OR4D10: variants seen among roughly 807,000 people sequenced by gnomAD.
OR4D10 encodes olfactory receptor family 4 subfamily D member 10.
For missense variants in OR4D10, 395 were observed against 378.0 expected, an observed-to-expected ratio of 1.04 and a Z score of -0.37; for synonymous variants, 188 against 153.2, an observed-to-expected ratio of 1.23 and a Z score of -1.68.
At chr11:59,476,922 A>T (rs113499847) in intron 2 of OR4D10, among the ~76,000 whole-genome samples, 1 of 151,798 alleles carries the variant, frequency 6.6e-6, no homozygotes, top group South Asian at 2.1e-4. Context: ...GGGCAAAAAA[A>T]AACTGATAAT....
chr11:59,477,414 T>A lies in OR4D10; in HGVS notation c.-16T>A, dbSNP rs757241690. ...TGACATGGTTTAAAACCAAAGAGAA[T>A]AAAGAGGATGATTGAATGGAGATGG... On this transcript the variant is annotated 5_prime_UTR_variant, in exon 3 of 3. Transcript: ENST00000530162. The A allele has an allele frequency of 2.6e-6, 4 of 1,524,328 alleles. No homozygotes were observed. Among genetic ancestry groups the A allele is most frequent in the Non-Finnish European group, 3.5e-6 (4 of 1,133,380 alleles). 94.4% of individuals were successfully genotyped at this position (1,524,328 alleles called of 1,614,324 possible).
chr11:59,477,709 T>G lies in OR4D10; in HGVS notation c.280T>G (p.Phe94Val), dbSNP rs1382025888. ...TCTGTCTGAAAGAAAGACCATCTCCTTCAATCATTGCTTCACTCAGATGTT... is the reference window on the plus strand; with the variant it reads ...TCTGTCTGAAAGAAAGACCATCTCCGTCAATCATTGCTTCACTCAGATGTT... The part of the protein sequence containing the change: ...DLLSERKTIS[F>V]NHCFTQMFLF... The change falls in exon 3 of 3, where the codon TTC becomes GTC. Residue 94 changes from phenylalanine (F) to valine (V), a missense_variant. Phe to Val is a conservative substitution (Grantham distance 50, BLOSUM62 -1). Coordinates refer to ENST00000530162, the MANE Select transcript of OR4D10 (RefSeq NM_001004705.2). 18 of 1,614,170 alleles carry G rather than the reference T, an allele frequency of 1.1e-5. No individual in the cohort carries two copies. The highest frequency in any genetic ancestry group is 1.3e-5 in the African/African-American group (1 of 75,058).
At position 59,479,228 on chromosome 11, in the gene OR4D10, A is replaced by G. The variant is rs950828677; in HGVS notation, c.*863A>G. 5.3e-5 allele frequency: 8 copies of G among 152,206 alleles called. No individual in the cohort carries two copies. The highest frequency in any genetic ancestry group is 1.9e-4 in the African/African-American group (8 of 41,458). The allele number at this position is 152,206 out of a possible 1,614,324, so 9.4% of individuals were successfully genotyped here. A position where few individuals can be genotyped will look rare whatever the true frequency, so the allele number is the denominator to read the frequency against. ...GTTTTATTTACTGTCACAGCAGCTA[A>G]AACATACTAAGACTTCAACAATATG... On this transcript the variant is annotated 3_prime_UTR_variant, in exon 3 of 3. Coordinates refer to ENST00000530162, the MANE Select transcript of OR4D10 (RefSeq NM_001004705.2).
chr11:59,475,060 CAAA>C (rs771979917), intron 2 of OR4D10, among the ~76,000 whole-genome samples: 2 of 66,782 alleles, frequency 3.0e-5, no homozygotes, highest in South Asian at 8.4e-4. Flanking sequence ...GACTCTGTCT[CAAA>C]AAAAAAAAAA....
chr11:59,477,566 T>C lies in OR4D10; in HGVS notation c.137T>C (p.Met46Thr), dbSNP rs929855735. 1.4e-5 allele frequency: 22 copies of C among 1,614,098 alleles called. No homozygotes were observed. The highest frequency in any genetic ancestry group is 1.6e-4 in the Middle Eastern group (1 of 6,082). The change falls in exon 3 of 3, where the codon ATG (methionine) becomes ACG (threonine). Residue 46 changes from methionine to threonine, a missense_variant. By Grantham distance (81) the Met-to-Thr change is moderately conservative (BLOSUM62 -1). Transcript: ENST00000530162. ...VTTLLGNLLI[M>T]VTVTCESRLH... ...ACTTTGCTGGGAAACCTCCTCATCA[T>C]GGTCACTGTTACCTGTGAATCTCGC...
chr11:59,477,676 G>T lies in OR4D10; in HGVS notation c.247G>T (p.Val83Leu). 6.2e-7 allele frequency: 1 copy of T among 1,614,082 alleles called. No individual in the cohort carries two copies. Among genetic ancestry groups the T allele is most frequent in the Admixed American group, 1.7e-5 (1 of 60,012 alleles). The change falls in exon 3 of 3, where the codon GTG (valine) becomes TTG (leucine). Residue 83 changes from valine (V) to leucine (L), a missense_variant. Transcript: ENST00000530162. Reference sequence around the variant, plus strand: ...TTCCATCACAGTGCCCAAGGTTCTGGTGGACCTTCTGTCTGAAAGAAAGAC... The same window carrying T: ...TTCCATCACAGTGCCCAAGGTTCTGTTGGACCTTCTGTCTGAAAGAAAGAC... ...FSSITVPKVL[V>L]DLLSERKTIS...
At position 59,474,213 on chromosome 11, in the gene OR4D10, C is replaced by T. The variant is rs535212734; in HGVS notation, c.-169+420C>T. 4.6e-5 allele frequency among the ~76,000 whole-genome samples: 7 copies of T among 152,314 alleles called. No individual in the cohort carries two copies. The East Asian group carries it at 1.3e-3, about 29-fold the overall frequency. On this transcript the variant is annotated intron_variant, in intron 2 of 2. Transcript: ENST00000530162. ...ACAAATAAATCAAGTTTTTATACCA[C>T]TTCATATATACAAAGGACTCAAATA... is the stretch of plus-strand genomic sequence containing the variant.
In OR4D10 at chr11:59,478,104, C is replaced by G; in HGVS notation, c.675C>G (p.Pro225=). Residue 225 remains proline (P), a synonymous_variant, in exon 3 of 3, where the codon CCC becomes CCG. Coordinates refer to ENST00000530162, the MANE Select transcript of OR4D10 (RefSeq NM_001004705.2). ...CCTACATAGTCATATTATCATTACC[C>G]AAGTCTCAGGCAGGAGAGGGCAGGA... ...LVSYIVILSL[P]KSQAGEGRRK... is the part of the protein sequence containing the mutation. 6.2e-7 allele frequency: 1 copy of G among 1,614,116 alleles called. No individual in the cohort carries two copies. The highest frequency in any genetic ancestry group is 1.1e-5 in the South Asian group (1 of 91,074).
At chr11:59,475,648 A>AT (rs1168793063) in intron 2 of OR4D10, among the ~76,000 whole-genome samples, 2 of 152,180 alleles carry the variant, frequency 1.3e-5, no homozygotes, top group Non-Finnish European at 2.9e-5. Context: ...CAGCCACACT[A>AT]TAGGGATTAC....
intron 2 of OR4D10, among the ~76,000 whole-genome samples, chr11:59,475,587 A>C (rs1858896880): frequency 6.6e-6 from 1 of 152,196 alleles, no homozygotes; most frequent in South Asian, 2.1e-4. Flanking sequence ...ATTGCTCCAG[A>C]GTAAGAACTT....
At chr11:59,474,056 T>G (rs1858872796) in intron 2 of OR4D10, among the ~76,000 whole-genome samples, 1 of 152,226 alleles carries the variant, frequency 6.6e-6, no homozygotes, top group Non-Finnish European at 1.5e-5. Flanking sequence ...AAAAATGAAA[T>G]ATTGTGTCTT....
chr11:59,477,591 C>A lies in OR4D10; in HGVS notation c.162C>A (p.Arg54=). 1.2e-6 allele frequency: 2 copies of A among 1,614,130 alleles called. No homozygotes were observed. Among genetic ancestry groups the A allele is most frequent in the Non-Finnish European group, 1.7e-6 (2 of 1,179,996 alleles). The change falls in exon 3 of 3, where the codon CGC becomes CGA. Residue 54 remains arginine (R), a synonymous_variant. Coordinates refer to ENST00000530162, the MANE Select transcript of OR4D10 (RefSeq NM_001004705.2). The part of the protein sequence containing the change: ...LIMVTVTCES[R]LHTPMYFLLH... ...TGGTCACTGTTACCTGTGAATCTCG[C>A]CTTCACACGCCCATGTATTTTTTGC... is the stretch of plus-strand genomic sequence containing the variant.
chr11:59,476,565 A>G (rs1463224819), intron 2 of OR4D10, among the ~76,000 whole-genome samples: 1 of 151,938 alleles, frequency 6.6e-6, no homozygotes, highest in African/African-American at 2.4e-5. Context: ...TATTTTTTGT[A>G]GTCATAGGGT....
Position 59,478,159 on chromosome 11 carries a change from A to G in OR4D10, c.730A>G (p.Ile244Val), listed in dbSNP as rs1858930846. 1.2e-6 allele frequency: 2 copies of G among 1,614,116 alleles called. No individual in the cohort carries two copies. The highest frequency in any genetic ancestry group is 4.5e-5 in the East Asian group (2 of 44,856). ...AGCCATCTCCACCTGCACCTCCCACATCACTGTGGTGACCCTGCATTTCGT... is the reference window on the plus strand; with the variant it reads ...AGCCATCTCCACCTGCACCTCCCACGTCACTGTGGTGACCCTGCATTTCGT... ...RKAISTCTSH[I>V]TVVTLHFVPC... The change falls in exon 3 of 3, where the codon ATC (isoleucine) becomes GTC (valine). Residue 244 changes from isoleucine to valine, a missense_variant. Transcript: ENST00000530162.
intron 2 of OR4D10, among the ~76,000 whole-genome samples, chr11:59,476,563 GTA>G (rs2134559157): frequency 6.6e-6 from 1 of 151,916 alleles, no homozygotes; most frequent in East Asian, 1.9e-4. Flanking sequence ...TTTATTTTTT[GTA>G]GTCATAGGGT....
rs986169869 is a variant in OR4D10 at position 59,477,482 on chromosome 11, C to G, written c.53C>G (p.Thr18Ser). The change falls in exon 3 of 3, where the codon ACC (threonine) becomes AGC (serine). Residue 18 changes from threonine (T) to serine (S), a missense_variant. Thr to Ser is a moderately conservative substitution (Grantham distance 58, BLOSUM62 1). Coordinates refer to ENST00000530162, the MANE Select transcript of OR4D10 (RefSeq NM_001004705.2). ...AAAGAATTTATTTTCCTTGGCCTGA[C>G]CCAGAATCGGGAAGTGAGCTTAGTC... ...RVKEFIFLGL[T>S]QNREVSLVLF... The G allele has an allele frequency of 6.2e-7, 1 of 1,609,082 alleles. No individual in the cohort carries two copies.
chr11:59,474,992 C>T (rs1156830802), intron 2 of OR4D10, among the ~76,000 whole-genome samples: 1 of 127,682 alleles, frequency 7.8e-6, no homozygotes, highest in Non-Finnish European at 1.6e-5. Flanking sequence ...ACCCGGGAGG[C>T]GGAGCTTGCA....
In OR4D10 at chr11:59,478,245, T is replaced by C. The variant is rs370928802; in HGVS notation, c.816T>C (p.Ser272=). The change falls in exon 3 of 3, where the codon TCT becomes TCC. Residue 272 remains serine (S), a synonymous_variant. Coordinates refer to ENST00000530162, the MANE Select transcript of OR4D10 (RefSeq NM_001004705.2). ...FTALPMDKAI[S]VTFTVISPLL... ...CCCTCCCCATGGATAAGGCCATCTCTGTCACCTTCACTGTCATCTCCCCTC... is the reference window on the plus strand; with the variant it reads ...CCCTCCCCATGGATAAGGCCATCTCCGTCACCTTCACTGTCATCTCCCCTC... 6.2e-7 allele frequency: 1 copy of C among 1,613,888 alleles called. No homozygotes were observed. Among genetic ancestry groups the C allele is most frequent in the African/African-American group, 1.3e-5 (1 of 74,868 alleles).
At chr11:59,474,062 G>A (rs369078827) in intron 2 of OR4D10, among the ~76,000 whole-genome samples, 19 of 152,316 alleles carry the variant, frequency 1.2e-4, no homozygotes, top group South Asian at 4.1e-4. Flanking sequence ...GAAATATTGT[G>A]TCTTCCATAC....
Sources: allele counts gnomAD v4.1 joint callset (sites outside exome capture counted in the v4.1 genomes callset), GRCh38; gene constraint gnomAD v4.1.1; transcripts MANE v1.5; gene names NCBI Gene and HGNC (gene_info 2026-07-23, HGNC 2026-07-21).